The following MIPEP variants were observed in gnomAD, a reference collection of about 807,000 sequenced individuals.
The protein encoded by MIPEP is mitochondrial intermediate peptidase.
Under a neutral mutation model 90.3 loss-of-function variants are expected in MIPEP, and 79 were observed. The observed-to-expected ratio is 0.87, with a 90% CI of 0.73 to 1.05. The LOEUF is 1.05. Ranked by LOEUF, MIPEP falls within the 50% of genes least tolerant of loss-of-function variation. The probability of loss-of-function intolerance (pLI) is 0.00; values close to 1 mark genes in which losing one functional copy is unlikely to be tolerated. For missense variants in MIPEP, 940 were observed against 905.6 expected (o/e 1.04, Z -0.49); for synonymous variants, 334 against 315.8 (o/e 1.06, Z -0.61).
At chr13:23,739,082 A>G (rs999142197) in intron 18 of MIPEP, among the ~76,000 whole-genome samples, 7 of 152,270 alleles carry the variant, frequency 4.6e-5, no homozygotes, top group Non-Finnish European at 7.3e-5. Flanking sequence ...CTACTTAACT[A>G]AAAAAGATTT....
At chr13:23,876,499 T>C (rs1871079208) in intron 4 of MIPEP, among the ~76,000 whole-genome samples, 1 of 152,232 alleles carries the variant, frequency 6.6e-6, no homozygotes, top group Non-Finnish European at 1.5e-5. Flanking sequence ...TGTGGCACAC[T>C]GCTATCAATT....
At chr13:23,815,255 T>C (rs1019800880) in intron 14 of MIPEP, among the ~76,000 whole-genome samples, 3 of 152,166 alleles carry the variant, frequency 2.0e-5, no homozygotes, top group African/African-American at 4.8e-5. Context: ...GCTAAACAAT[T>C]TTCTCTCTGT....
intron 16 of MIPEP, among the ~76,000 whole-genome samples, chr13:23,785,481 T>TGGGGGAG (rs1453293027): frequency 2.1e-4 from 7 of 32,598 alleles, no homozygotes; most frequent in African/African-American, 8.2e-4. Context: ...GTCTTGGGGT[T>TGGGGGAG]GGGGGAGGGG....
intron 17 of MIPEP, among the ~76,000 whole-genome samples, chr13:23,759,014 A>G (rs1401660133): frequency 6.6e-6 from 1 of 152,210 alleles, no homozygotes; most frequent in Non-Finnish European, 1.5e-5. Context: ...AAGATAAAGC[A>G]GTAAAAATAG....
At chr13:23,737,085 A>G (rs911573853) in intron 18 of MIPEP, among the ~76,000 whole-genome samples, 4 of 152,186 alleles carry the variant, frequency 2.6e-5, no homozygotes, top group Admixed American at 6.5e-5. Flanking sequence ...AGGTCTCATT[A>G]TTTCCTGATG....
chr13:23,799,000 G>GTTTTTT (rs765292524), intron 16 of MIPEP, among the ~76,000 whole-genome samples: 31 of 88,902 alleles, frequency 3.5e-4, no homozygotes, highest in Non-Finnish European at 5.0e-4. Context: ...AATTTTTTTG[G>GTTTTTT]TTTTTTTTTT....
At chr13:23,888,411 A>T (rs912857813) in intron 1 of MIPEP, among the ~76,000 whole-genome samples, 2 of 152,124 alleles carry the variant, frequency 1.3e-5, no homozygotes, top group Admixed American at 1.3e-4. Context: ...AATAAAAGTA[A>T]TCCTTAACCT....
intron 16 of MIPEP, among the ~76,000 whole-genome samples, chr13:23,787,375 AG>A (rs1164242176): frequency 6.8e-6 from 1 of 147,584 alleles, no homozygotes; most frequent in Non-Finnish European, 1.5e-5. Flanking sequence ...GGGTGGGGGG[AG>A]AGAGAGCAAG....
At chr13:23,741,576 A>AC (rs1476017910) in intron 18 of MIPEP, among the ~76,000 whole-genome samples, 1 of 152,122 alleles carries the variant, frequency 6.6e-6, no homozygotes, top group Non-Finnish European at 1.5e-5. Context: ...AGAACAGAAA[A>AC]CCAATTACTG....
At chr13:23,744,376 G>C (rs1406050171) in intron 18 of MIPEP, among the ~76,000 whole-genome samples, 1 of 151,810 alleles carries the variant, frequency 6.6e-6, no homozygotes, top group Non-Finnish European at 1.5e-5. Context: ...AAAGAGCAAG[G>C]GAAAAAAAAT....
chr13:23,747,244 T>A (rs1490578544), intron 18 of MIPEP, among the ~76,000 whole-genome samples: 1 of 152,194 alleles, frequency 6.6e-6, no homozygotes, highest in East Asian at 1.9e-4. Flanking sequence ...TCTGTCATTG[T>A]CCCTTTGCCT....
intron 5 of MIPEP, 38 bp downstream of exon 5, chr13:23,874,804 TAGTA>T (rs779194827): frequency 1.3e-6 from 2 of 1,503,406 alleles, no homozygotes; most frequent in African/African-American, 2.8e-5. Flanking sequence ...AACTAAATGT[TAGTA>T]AAACTGGAAG....
intron 18 of MIPEP, among the ~76,000 whole-genome samples, chr13:23,747,244 T>C (rs1490578544): frequency 1.3e-5 from 2 of 152,194 alleles, no homozygotes; most frequent in Non-Finnish European, 2.9e-5. Context: ...TCTGTCATTG[T>C]CCCTTTGCCT....
intron 15 of MIPEP, among the ~76,000 whole-genome samples, chr13:23,809,179 T>C (rs1307927832): frequency 6.6e-6 from 1 of 152,124 alleles, no homozygotes; most frequent in African/African-American, 2.4e-5. Context: ...GCAATTACTA[T>C]CTAAACTTCA....
chr13:23,773,940 AT>A (rs1233688692), intron 16 of MIPEP, among the ~76,000 whole-genome samples: 2 of 152,168 alleles, frequency 1.3e-5, no homozygotes, highest in East Asian at 1.9e-4. Context: ...AATAAAAAAA[AT>A]CTTCTGTTTC....
At chr13:23,827,797 T>C (rs570030756) in intron 14 of MIPEP, among the ~76,000 whole-genome samples, 6 of 152,254 alleles carry the variant, frequency 3.9e-5, no homozygotes, top group African/African-American at 1.4e-4. Context: ...CCATGTGTGG[T>C]GGCACACGCT....
intron 10 of MIPEP, among the ~76,000 whole-genome samples, chr13:23,847,015 C>A (rs1358712757): frequency 1.3e-5 from 2 of 152,034 alleles, no homozygotes; most frequent in East Asian, 1.9e-4. Context: ...AAGGCTACGA[C>A]AACAACTAAG....
chr13:23,734,412 G>A (rs185927464), intron 18 of MIPEP, among the ~76,000 whole-genome samples: 34 of 152,302 alleles, frequency 2.2e-4, no homozygotes, highest in African/African-American at 7.7e-4. Context: ...TGCGTTGGCC[G>A]AGAAAGGAAA....
chr13:23,832,796 T>C (rs548368746), intron 14 of MIPEP, among the ~76,000 whole-genome samples: 1 of 152,328 alleles, frequency 6.6e-6, no homozygotes, highest in African/African-American at 2.4e-5. Flanking sequence ...ACTCCTTCTA[T>C]ACCTGTGGTA....
Sources: gnomAD v4.1 joint callset for allele counts (sites outside exome capture counted in the v4.1 genomes callset) on GRCh38, gnomAD v4.1.1 for gene constraint, MANE v1.5 for transcripts, NCBI Gene and HGNC (gene_info 2026-07-23, HGNC 2026-07-21) for gene names.